Variants in TESPA1 observed in about 807,000 individuals in gnomAD.
TESPA1 encodes the protein thymocyte expressed, positive selection associated 1, also known as protein TESPA1.
In TESPA1, 33 loss-of-function variants were observed where a neutral mutation model predicts 57.9. The observed-to-expected ratio is 0.57, with a 90% CI of 0.43 to 0.76. The LOEUF is 0.76. TESPA1 is among the 30% of genes least tolerant of loss of function. The pLI, the probability that TESPA1 is intolerant of heterozygous loss-of-function variation, is 0.00. For missense variants in TESPA1, 618 were observed against 632.9 expected, an observed-to-expected ratio of 0.98 and a Z score of 0.25; for synonymous variants, 227 against 228.9, an observed-to-expected ratio of 0.99 and a Z score of 0.07.
Position 54,974,626 on chromosome 12 carries a change from T to C in TESPA1, c.-45-19A>G, listed in dbSNP as rs1952051074. 5 of 1,416,288 alleles carry C rather than the reference T, an allele frequency of 3.5e-6. No individual in the cohort carries two copies. In the Admixed American group the frequency reaches 1.4e-4, roughly 41 times the overall value. The allele number at this position is 1,416,288 out of a possible 1,614,324, so 87.7% of individuals were successfully genotyped here. On this transcript the variant is annotated intron_variant, in intron 1 of 10. Coordinates refer to ENST00000449076, the MANE Select transcript of TESPA1 (RefSeq NM_001136030.3). ...TGCCGTCCTAAGAGTTGAAAAACAG[T>C]GATACTCCCTCATCATATGCTCAGA...
In TESPA1 at chr12:54,963,034, G is replaced by C; in HGVS notation, c.864C>G (p.Ser288=). The C allele has an allele frequency of 1.9e-6, 3 of 1,613,926 alleles. No individual in the cohort carries two copies. The highest frequency in any genetic ancestry group is 2.5e-6 in the Non-Finnish European group (3 of 1,179,874). ...GGGGGCATGTGTACAGACACATCTT[G>C]GAGATGGCTTTCCGAAGGCGGTCTC... is the stretch of plus-strand genomic sequence containing the variant. ...SPRDRLRKAI[S]KMCLYTCPRD... Residue 288 remains serine (S), a synonymous_variant, in exon 9 of 11, where the codon TCC becomes TCG. Coordinates refer to ENST00000449076, the MANE Select transcript of TESPA1 (RefSeq NM_001136030.3).
At position 54,963,051 on chromosome 12, in the gene TESPA1, G is replaced by A; in HGVS notation, c.847C>T (p.Leu283Phe). ...CACATCTTGGAGATGGCTTTCCGAAGGCGGTCTCTGGGTGACTGGGGTTCA... is the reference window on the plus strand; with the variant it reads ...CACATCTTGGAGATGGCTTTCCGAAAGCGGTCTCTGGGTGACTGGGGTTCA... ...EPEPQSPRDR[L>F]RKAISKMCLY... Residue 283 changes from leucine (L) to phenylalanine (F), a missense_variant, in exon 9 of 11, where the codon CTT (leucine) becomes TTT (phenylalanine). Leu to Phe is a conservative substitution (Grantham distance 22, BLOSUM62 0). Coordinates refer to ENST00000449076, the MANE Select transcript of TESPA1 (RefSeq NM_001136030.3). 6.2e-7 allele frequency: 1 copy of A among 1,613,996 alleles called. No homozygotes were observed. Among genetic ancestry groups the A allele is most frequent in the Non-Finnish European group, 8.5e-7 (1 of 1,179,894 alleles).
chr12:54,971,176 G>T (rs953050894), intron 3 of TESPA1, among the ~76,000 whole-genome samples: 1 of 152,174 alleles, frequency 6.6e-6, no homozygotes, highest in African/African-American at 2.4e-5. Context: ...GTTAGGCTTT[G>T]GAAAGAAAAA....
intron 9 of TESPA1, among the ~76,000 whole-genome samples, chr12:54,961,792 T>G (rs1358573704): frequency 6.6e-6 from 1 of 152,214 alleles, no homozygotes; most frequent in Non-Finnish European, 1.5e-5. Context: ...GGCTGACCTC[T>G]CCAGTAGTGT....
At chr12:54,985,122 T>C (rs908748145), upstream of TESPA1, among the ~76,000 whole-genome samples, 1 of 152,194 alleles carries the variant, frequency 6.6e-6, no homozygotes, top group South Asian at 2.1e-4. Context: ...AGAAGAAGTT[T>C]CCAGTCGTAT....
In TESPA1 at chr12:54,963,046, C is replaced by T. The variant is rs768775551; in HGVS notation, c.852G>A (p.Arg284=). 2 of 1,613,878 alleles carry T rather than the reference C, an allele frequency of 1.2e-6. No individual in the cohort carries two copies. Among genetic ancestry groups the T allele is most frequent in the South Asian group, 2.2e-5 (2 of 91,062 alleles). ...PEPQSPRDRL[R]KAISKMCLYT... ...ACAGACACATCTTGGAGATGGCTTT[C>T]CGAAGGCGGTCTCTGGGTGACTGGG... Residue 284 remains arginine, a synonymous_variant, in exon 9 of 11, where the codon CGG becomes CGA. Transcript: ENST00000449076.
chr12:54,984,954 A>G (rs1952437930), upstream of TESPA1, among the ~76,000 whole-genome samples: 1 of 152,172 alleles, frequency 6.6e-6, no homozygotes, highest in African/African-American at 2.4e-5. Context: ...ATCTTTTCCT[A>G]TTAAGGCAAA....
At chr12:54,953,092 A>G (rs558931298) in intron 10 of TESPA1, among the ~76,000 whole-genome samples, 7 of 152,146 alleles carry the variant, frequency 4.6e-5, no homozygotes, top group African/African-American at 1.4e-4. Context: ...AGATTCTTAA[A>G]TTATTTTCCT....
chr12:54,982,964 A>C (rs1417434779), intron 1 of TESPA1, among the ~76,000 whole-genome samples: 1 of 152,242 alleles, frequency 6.6e-6, no homozygotes, highest in Non-Finnish European at 1.5e-5. Context: ...TAAGGCACAC[A>C]GTACTGTGGG....
chr12:54,952,543 G>T (rs960358950), intron 10 of TESPA1, among the ~76,000 whole-genome samples: 1 of 152,202 alleles, frequency 6.6e-6, no homozygotes, highest in Non-Finnish European at 1.5e-5. Context: ...TTTATGTTGG[G>T]TAGAGATGCA....
intron 10 of TESPA1, among the ~76,000 whole-genome samples, chr12:54,956,691 C>T (rs1174983022): frequency 6.6e-6 from 1 of 152,172 alleles, no homozygotes; most frequent in Non-Finnish European, 1.5e-5. Context: ...GACTTCATTT[C>T]GTGTTGCCAT....
chr12:54,965,975 A>C (rs1187064498), intron 7 of TESPA1, 78 bp downstream of exon 7: 5 of 1,353,510 alleles, frequency 3.7e-6, no homozygotes, highest in Non-Finnish European at 4.1e-6. Context: ...CAGAAAAAAC[A>C]GGCAATGGCT....
chr12:54,961,476 T>A (rs568676804), intron 9 of TESPA1, among the ~76,000 whole-genome samples: 1 of 152,324 alleles, frequency 6.6e-6, no homozygotes, highest in East Asian at 1.9e-4. Context: ...CAAATGATAT[T>A]TCAAATAATC....
chr12:54,980,224 G>T (rs1245278490), intron 1 of TESPA1, among the ~76,000 whole-genome samples: 6 of 152,184 alleles, frequency 3.9e-5, no homozygotes, highest in Admixed American at 1.3e-4. Flanking sequence ...TAGAGAAGAA[G>T]CACCATAAAC....
Position 54,962,715 on chromosome 12 carries a change from G to A in TESPA1, c.1183C>T (p.Leu395=). ...CTCCACTGTGGATCTTCTATGGGCA[G>A]AGAATGTGTGCAACAGGGTACCTTG... ...NPKVPCCTHS[L]PIEDPQWSTD... Residue 395 remains leucine, a synonymous_variant, in exon 9 of 11, where the codon CTG becomes TTG. Transcript: ENST00000449076. The A allele has an allele frequency of 3.7e-6, 6 of 1,613,960 alleles. No individual in the cohort carries two copies. Among genetic ancestry groups the A allele is most frequent in the Non-Finnish European group, 3.4e-6 (4 of 1,179,892 alleles).
At chr12:54,951,795 T>C (rs760314120) in intron 10 of TESPA1, among the ~76,000 whole-genome samples, 1 of 152,052 alleles carries the variant, frequency 6.6e-6, no homozygotes, top group African/African-American at 2.4e-5. Context: ...TCAATATTGC[T>C]CCTTTATATA....
intron 9 of TESPA1, among the ~76,000 whole-genome samples, chr12:54,961,986 T>G (rs115999878): frequency 0.01 from 1,547 of 152,298 alleles, 32 homozygotes; most frequent in African/African-American, 0.035. Context: ...GCTCACACTG[T>G]CACATTTTAG....
rs374408280 is a variant in TESPA1 at position 54,961,200 on chromosome 12, T to G, written c.1535A>C (p.His512Pro). ...RWPSRPRHPHHHQTFAGKDS is the reference protein window; with the variant it reads ...RWPSRPRHPHPHQTFAGKDS Reference sequence around the variant, plus strand: ...GTCTTTGCCAGCAAAAGTCTGGTGGTGGTGGGGGTGCCTGGGTCTGCTGGG... The same window carrying G: ...GTCTTTGCCAGCAAAAGTCTGGTGGGGGTGGGGGTGCCTGGGTCTGCTGGG... The change falls in exon 10 of 11, where the codon CAC becomes CCC. Residue 512 changes from histidine (H) to proline (P), a missense_variant. Around this residue, in one of 3 missense-constraint regions of TESPA1, gnomAD observed 409 missense variants for 420.1 expected, o/e 0.97. Transcript: ENST00000449076. 3 of 1,613,316 alleles carry G rather than the reference T, an allele frequency of 1.9e-6. No individual in the cohort carries two copies. Among genetic ancestry groups the G allele is most frequent in the Non-Finnish European group, 2.5e-6 (3 of 1,179,786 alleles).
In TESPA1 at chr12:54,950,372, T is replaced by C. The variant is rs1198588287; in HGVS notation, c.*20A>G. On this transcript the variant is annotated 3_prime_UTR_variant, in exon 11 of 11. Transcript: ENST00000449076. ...GCCAATTCTGTCAGACCACATGCTG[T>C]TGTGGTGGTGGAGAAAGCCTGCAAT... 14 of 456,310 alleles carry C rather than the reference T, an allele frequency of 3.1e-5. No homozygotes were observed. In the Admixed American group the frequency reaches 3.3e-4, roughly 11 times the overall value. The allele number at this position is 456,310 out of a possible 1,614,324, so 28.3% of individuals were successfully genotyped here.
Sources: allele counts gnomAD v4.1 joint callset (sites outside exome capture counted in the v4.1 genomes callset), GRCh38; gene constraint gnomAD v4.1.1; regional missense constraint gnomAD v4.1.1; transcripts MANE v1.5; gene names NCBI Gene and HGNC (gene_info 2026-07-23, HGNC 2026-07-21).